METTL15: variants seen among roughly 807,000 people sequenced by gnomAD.
METTL15 encodes the protein methyltransferase 15, mitochondrial 12S rRNA N4-cytidine.
A neutral mutation model predicts 38.3 loss-of-function variants in METTL15; 34 were observed. The observed-to-expected ratio is 0.89, with a 90% CI of 0.68 to 1.18. The LOEUF (loss-of-function observed/expected upper bound fraction) is 1.18. Ranked by LOEUF, METTL15 falls within the 50% of genes most tolerant of loss-of-function variation. The pLI is 0.00. For missense variants in METTL15, 438 were observed against 498.4 expected (o/e 0.88, Z 1.15); for synonymous variants, 162 against 170.9 (o/e 0.95, Z 0.41).
At chr11:28,438,750 C>T (rs1441752211) in intron 6 of METTL15, among the ~76,000 whole-genome samples, 1 of 148,634 alleles carries the variant, frequency 6.7e-6, no homozygotes, top group Non-Finnish European at 1.5e-5. Flanking sequence ...ACTCGGCTCA[C>T]TGCAACCTCC....
intron 4 of METTL15, among the ~76,000 whole-genome samples, chr11:28,249,297 T>C (rs914034638): frequency 6.6e-6 from 1 of 151,978 alleles, no homozygotes; most frequent in Non-Finnish European, 1.5e-5. Context: ...AGTACTTAGC[T>C]AAGAATTTTA....
intron 4 of METTL15, among the ~76,000 whole-genome samples, chr11:28,235,673 C>T (rs1853924080): frequency 6.6e-6 from 1 of 151,972 alleles, no homozygotes; most frequent in African/African-American, 2.4e-5. Context: ...TGAGACTTTG[C>T]TGAAGTTGCT....
intron 3 of METTL15, among the ~76,000 whole-genome samples, chr11:28,188,701 C>T (rs1208074460): frequency 6.6e-6 from 1 of 151,136 alleles, no homozygotes; most frequent in East Asian, 1.9e-4. Context: ...GCCCTGCGTA[C>T]ACTCATTTAG....
At chr11:28,449,633 C>T (rs779419858) in intron 6 of METTL15, among the ~76,000 whole-genome samples, 1 of 152,104 alleles carries the variant, frequency 6.6e-6, no homozygotes, top group Non-Finnish European at 1.5e-5. Context: ...ACTTTCAAGT[C>T]ACAGGCTAGC....
At chr11:28,229,589 G>A (rs1213523006) in intron 4 of METTL15, among the ~76,000 whole-genome samples, 1 of 151,990 alleles carries the variant, frequency 6.6e-6, no homozygotes, top group Non-Finnish European at 1.5e-5. Flanking sequence ...AGATTGCAGG[G>A]AGTTGCTTTG....
intron 6 of METTL15, chr11:28,327,928 AGTTAT>A (rs10604663): frequency 0.23 from 131,863 of 561,750 alleles, 15,641 homozygotes; most frequent in Non-Finnish European, 0.26. Context: ...AAAGTTAAGC[AGTTAT>A]GTTGAACCAT....
chr11:28,417,092 G>T (rs1467320288), intron 5 of METTL15, among the ~76,000 whole-genome samples: 1 of 152,130 alleles, frequency 6.6e-6, no homozygotes, highest in African/African-American at 2.4e-5. Context: ...TGATTCTGAG[G>T]CTATGTCTGG....
At chr11:28,377,957 T>C (rs1386871853) in intron 5 of METTL15, among the ~76,000 whole-genome samples, 1 of 152,164 alleles carries the variant, frequency 6.6e-6, no homozygotes, top group African/African-American at 2.4e-5. Flanking sequence ...TGCCTCCCAG[T>C]TAGGCTGCTC....
At chr11:28,176,205 CAA>C (rs1006286720) in intron 3 of METTL15, among the ~76,000 whole-genome samples, 1 of 151,862 alleles carries the variant, frequency 6.6e-6, no homozygotes, top group African/African-American at 2.4e-5. Context: ...TTGAGGAAGA[CAA>C]AAAAATTTCT....
intron 6 of METTL15, among the ~76,000 whole-genome samples, chr11:28,429,286 T>C (rs1320316611): frequency 6.6e-6 from 1 of 151,912 alleles, no homozygotes; most frequent in Non-Finnish European, 1.5e-5. Context: ...AGATCGAAAG[T>C]CAAGAGTAAC....
At chr11:28,233,972 A>C in intron 4 of METTL15, among the ~76,000 whole-genome samples, 1 of 113,176 alleles carries the variant, frequency 8.8e-6, no homozygotes, top group African/African-American at 3.3e-5. Context: ...ACCCCACAAC[A>C]GTCCCCAGAG....
intron 3 of METTL15, among the ~76,000 whole-genome samples, chr11:28,182,769 C>G (rs1432592347): frequency 6.6e-6 from 1 of 151,550 alleles, no homozygotes. Flanking sequence ...GACGTTTAAA[C>G]TAGTTTTTTC....
chr11:28,453,094 A>G (rs950116401), intron 6 of METTL15, among the ~76,000 whole-genome samples: 7 of 152,172 alleles, frequency 4.6e-5, no homozygotes, highest in Non-Finnish European at 1.5e-5. Context: ...AGAGTAAACA[A>G]TGAGATGCTT....
chr11:28,494,894 G>A (rs1199701940), intron 6 of METTL15, among the ~76,000 whole-genome samples: 1 of 152,184 alleles, frequency 6.6e-6, no homozygotes, highest in African/African-American at 2.4e-5. Flanking sequence ...CTAGTCTCAG[G>A]TATGTCTTTA....
At chr11:28,237,863 G>A (rs967596056) in intron 4 of METTL15, among the ~76,000 whole-genome samples, 50 of 152,294 alleles carry the variant, frequency 3.3e-4, no homozygotes, top group African/African-American at 9.6e-4. Flanking sequence ...TTTGCTAGAG[G>A]TCCACTCCAG....
At chr11:28,443,344 C>A (rs1260109703) in intron 6 of METTL15, among the ~76,000 whole-genome samples, 1 of 152,108 alleles carries the variant, frequency 6.6e-6, no homozygotes, top group African/African-American at 2.4e-5. Context: ...TTGCTGAGTT[C>A]TCCCTATCTT....
At chr11:28,491,023 A>G (rs1418689704) in intron 6 of METTL15, among the ~76,000 whole-genome samples, 1 of 152,184 alleles carries the variant, frequency 6.6e-6, no homozygotes, top group Non-Finnish European at 1.5e-5. Context: ...GCTCAATATT[A>G]TCTTTACACA....
At chr11:28,291,305 C>G (rs1410131571) in intron 5 of METTL15, among the ~76,000 whole-genome samples, 7 of 152,062 alleles carry the variant, frequency 4.6e-5, no homozygotes, top group African/African-American at 1.7e-4. Flanking sequence ...CTCAGCCTCC[C>G]AAAATGCTGG....
intron 4 of METTL15, among the ~76,000 whole-genome samples, chr11:28,274,263 A>G (rs1460318285): frequency 4.6e-5 from 7 of 152,180 alleles, no homozygotes. Context: ...GTTTTAATGA[A>G]CTTTTTTCAG....
Sources: allele counts gnomAD v4.1 joint callset (sites outside exome capture counted in the v4.1 genomes callset), GRCh38; gene constraint gnomAD v4.1.1; transcripts MANE v1.5; gene names NCBI Gene and HGNC (gene_info 2026-07-23, HGNC 2026-07-21).